BICDL1: variants seen among roughly 807,000 people sequenced by gnomAD.
BICDL1 encodes the protein BICD family like cargo adaptor 1.
In BICDL1, 20 loss-of-function variants were observed where a neutral mutation model predicts 76.8. That is an observed-to-expected ratio of 0.26 (90% CI 0.18 to 0.38). The LOEUF (loss-of-function observed/expected upper bound fraction) is 0.38, where lower values mean the gene tolerates loss of function less well. Ranked by LOEUF, BICDL1 falls within the 10% of genes least tolerant of loss-of-function variation. The pLI is 1.00. For missense variants in BICDL1, 700 were observed against 798.6 expected (o/e 0.88, Z 1.49); for synonymous variants, 383 against 337.1 (o/e 1.14, Z -1.49).
At chr12:120,081,549 A>G (rs1269183754) in intron 8 of BICDL1, among the ~76,000 whole-genome samples, 1 of 151,800 alleles carries the variant, frequency 6.6e-6, no homozygotes, top group African/African-American at 2.4e-5. Context: ...GGGTTTCACC[A>G]TATTGGCCAG....
intron 2 of BICDL1, among the ~76,000 whole-genome samples, chr12:120,027,652 C>A (rs1045697378): frequency 6.6e-6 from 1 of 152,112 alleles, no homozygotes; most frequent in African/African-American, 2.4e-5. Context: ...CCTCAGATTT[C>A]TTTGAGATCT....
intron 2 of BICDL1, among the ~76,000 whole-genome samples, chr12:120,031,789 C>T (rs1192208402): frequency 6.6e-6 from 1 of 152,150 alleles, no homozygotes; most frequent in East Asian, 1.9e-4. Context: ...ACTGTCTTGA[C>T]AGTCTCAAAA....
chr12:120,040,891 G>A (rs1210455539), intron 2 of BICDL1, among the ~76,000 whole-genome samples: 1 of 151,936 alleles, frequency 6.6e-6, no homozygotes, highest in East Asian at 1.9e-4. Flanking sequence ...TGGATTACAG[G>A]CATGTGCACC....
rs186388116 is a variant in BICDL1, at chr12:120,093,435, C to A, written c.*274C>A. ...GACCACGTGCTTGAGCAGGGTTAGG[C>A]CACCTCCCAGAGGGGCCCCTTGGTG... On this transcript the variant is annotated 3_prime_UTR_variant, in exon 10 of 10. Coordinates refer to ENST00000548673, the MANE Select transcript of BICDL1 (RefSeq NM_001367886.1). 4.3e-6 allele frequency: 2 copies of A among 460,270 alleles called. No homozygotes were observed. The highest frequency in any genetic ancestry group is 3.7e-5 in the Admixed American group (1 of 27,316). 28.5% of individuals were successfully genotyped at this position (460,270 alleles called of 1,614,324 possible).
intron 2 of BICDL1, among the ~76,000 whole-genome samples, chr12:120,003,511 T>G (rs1158125278): frequency 6.6e-6 from 1 of 152,180 alleles, no homozygotes; most frequent in Non-Finnish European, 1.5e-5. Context: ...TCACACTCAC[T>G]CTTACACTGC....
chr12:120,067,301 G>A (rs1953242064), intron 4 of BICDL1, among the ~76,000 whole-genome samples: 1 of 152,230 alleles, frequency 6.6e-6, no homozygotes, highest in African/African-American at 2.4e-5. Context: ...TCACTGTGGG[G>A]CAACCCAGGA....
At chr12:120,023,358 C>T (rs1423137840) in intron 2 of BICDL1, among the ~76,000 whole-genome samples, 1 of 152,120 alleles carries the variant, frequency 6.6e-6, no homozygotes, top group Non-Finnish European at 1.5e-5. Flanking sequence ...ATCTTAAAAG[C>T]AAGATTCAAA....
chr12:120,055,458 A>T (rs1451843777), intron 2 of BICDL1, among the ~76,000 whole-genome samples: 2 of 152,192 alleles, frequency 1.3e-5, no homozygotes, highest in African/African-American at 4.8e-5. Context: ...GGGAGGAAGT[A>T]ATCTGTCCTA....
chr12:120,015,717 C>G (rs1952047481), intron 2 of BICDL1, among the ~76,000 whole-genome samples: 1 of 152,186 alleles, frequency 6.6e-6, no homozygotes, highest in Non-Finnish European at 1.5e-5. Context: ...GTATAGCAAA[C>G]TTGACCATTT....
At chr12:120,025,049 C>CT (rs200425537) in intron 2 of BICDL1, among the ~76,000 whole-genome samples, 26,715 of 127,784 alleles carry the variant, frequency 0.21, 3,540 homozygotes, top group East Asian at 0.35. Context: ...TACTTTCTTT[C>CT]TTTTTTTTTT....
chr12:120,061,833 C>T lies in BICDL1; in HGVS notation c.762+7C>T, dbSNP rs778534494. Reference sequence around the variant, plus strand: ...GGAGAGCCTTCAGGCCGAGGTGAGCCTCCCGACACAGCAGTGCTGGAAGGT... The same window carrying T: ...GGAGAGCCTTCAGGCCGAGGTGAGCTTCCCGACACAGCAGTGCTGGAAGGT... On this transcript the variant is annotated splice_region_variant and intron_variant, in intron 3 of 9. Transcript: ENST00000548673. 15 of 1,601,878 alleles carry T rather than the reference C, an allele frequency of 9.4e-6. No individual in the cohort carries two copies. The East Asian group carries it at 2.7e-4, about 29-fold the overall frequency.
chr12:120,092,367 C>T, intron 9 of BICDL1: 4 of 985,478 alleles, frequency 4.1e-6, no homozygotes, highest in Non-Finnish European at 4.8e-6. Flanking sequence ...TGATTTGGTG[C>T]AGGACAGCCC....
At chr12:120,086,058 T>C (rs1874389492) in intron 8 of BICDL1, among the ~76,000 whole-genome samples, 1 of 149,902 alleles carries the variant, frequency 6.7e-6, no homozygotes, top group Non-Finnish European at 1.5e-5. Context: ...CAAATCTACA[T>C]GAAACCTTGT....
intron 7 of BICDL1, among the ~76,000 whole-genome samples, chr12:120,076,553 C>T (rs1268329749): frequency 1.3e-5 from 2 of 152,118 alleles, no homozygotes; most frequent in Admixed American, 6.6e-5. Flanking sequence ...TATTTAGGAA[C>T]CCATTTCCAC....
chr12:120,066,318 G>C (rs1357544538), intron 4 of BICDL1, among the ~76,000 whole-genome samples: 1 of 152,172 alleles, frequency 6.6e-6, no homozygotes, highest in Non-Finnish European at 1.5e-5. Flanking sequence ...TCTCCTGAGG[G>C]TTGCTGACAT....
Position 119,990,304 on chromosome 12 carries a change from AC to A in BICDL1, c.429+9del. ...GCTGACAGACAAGCTCGAGGTGAGG[AC>A]CTCCCTCCAGGGATGGGTGGGGAGC... On this transcript the variant is annotated splice_region_variant and intron_variant, in intron 1 of 9. Coordinates refer to ENST00000548673, the MANE Select transcript of BICDL1 (RefSeq NM_001367886.1). The A allele has an allele frequency of 6.4e-7, 1 of 1,555,070 alleles. No individual in the cohort carries two copies. Among genetic ancestry groups the A allele is most frequent in the South Asian group, 1.2e-5 (1 of 84,016 alleles).
intron 1 of BICDL1, among the ~76,000 whole-genome samples, chr12:119,992,036 T>C (rs967381485): frequency 5.9e-5 from 9 of 152,370 alleles, no homozygotes; most frequent in South Asian, 2.1e-4. Flanking sequence ...GTTCTGGAGA[T>C]AGTCGCACAA....
At position 120,091,351 on chromosome 12, in the gene BICDL1, A is replaced by T. The variant is rs961148829; in HGVS notation, c.1704+1280A>T. The T allele has an allele frequency of 3.0e-6, 3 of 1,001,704 alleles. No individual in the cohort carries two copies. The East Asian group carries it at 3.1e-4, about 104-fold the overall frequency. The allele number at this position is 1,001,704 out of a possible 1,614,324, so 62.1% of individuals were successfully genotyped here. A position where few individuals can be genotyped will look rare whatever the true frequency, so the allele number is the denominator to read the frequency against. ...TGGACAGACCTGATTGCTTAAAGTT[A>T]AAAAAATGAAGTTTTCAGTGTGCCA... is the stretch of plus-strand genomic sequence containing the variant. On this transcript the variant is annotated intron_variant, in intron 9 of 9. Transcript: ENST00000548673.
At chr12:120,047,757 CTTTG>C (rs1418768499) in intron 2 of BICDL1, among the ~76,000 whole-genome samples, 1 of 151,948 alleles carries the variant, frequency 6.6e-6, no homozygotes, top group Non-Finnish European at 1.5e-5. Flanking sequence ...CAGCTATGTA[CTTTG>C]TTTATTCTTC....
Sources: gnomAD v4.1 joint callset for allele counts (sites outside exome capture counted in the v4.1 genomes callset) on GRCh38, gnomAD v4.1.1 for gene constraint, MANE v1.5 for transcripts, NCBI Gene and HGNC (gene_info 2026-07-23, HGNC 2026-07-21) for gene names.